TMEM214: variants seen among roughly 807,000 people sequenced by gnomAD.
TMEM214 encodes the protein transmembrane protein 214.
In TMEM214, 71 loss-of-function variants were observed where a neutral mutation model predicts 89.8. That is an observed-to-expected ratio of 0.79 (90% CI 0.65 to 0.96). TMEM214 has a LOEUF of 0.96. Among genes scored for constraint, TMEM214 ranks in the 40% least tolerant of loss-of-function variants. The probability of loss-of-function intolerance (pLI) is 0.00; values close to 1 mark genes in which losing one functional copy is unlikely to be tolerated. For synonymous variants in TMEM214, 332 were observed against 349.5 expected (o/e 0.95, Z 0.56); for missense variants, 754 against 843.4 (o/e 0.89, Z 1.31).
At chr2:27,036,674 G>A in intron 6 of TMEM214, 31 bp from the exon 7 acceptor site, 2 of 1,614,010 alleles carry the variant, frequency 1.2e-6, no homozygotes, top group Non-Finnish European at 1.7e-6. Context: ...GTGCAAGCCT[G>A]AGGCCTCCCT....
intron 2 of TMEM214, 99 bp downstream of exon 2, chr2:27,034,365 G>T: frequency 7.4e-7 from 1 of 1,344,892 alleles, no homozygotes; most frequent in Non-Finnish European, 1.0e-6. Context: ...GATCCTATGG[G>T]ATTTGAAACA....
At chr2:27,040,614 C>T in intron 16 of TMEM214, 97 bp from the exon 17 acceptor site, 1 of 1,585,298 alleles carries the variant, frequency 6.3e-7, no homozygotes, top group African/African-American at 1.3e-5. Context: ...CCATTCCTGG[C>T]CACCCTGGGA....
Position 27,034,135 on chromosome 2 carries a change from G to T in TMEM214, c.220G>T (p.Glu74Ter). 1 of 1,614,140 alleles carries T rather than the reference G, an allele frequency of 6.2e-7. No individual in the cohort carries two copies. The highest frequency in any genetic ancestry group is 1.1e-5 in the South Asian group (1 of 91,072). Residue 74 changes from glutamate to a stop codon, truncating the protein, a stop_gained, in exon 2 of 17, where the codon GAG (glutamate) becomes TAG (stop). Transcript: ENST00000238788. LOFTEE classifies it high-confidence loss of function. ...FENIMKRQNK[E>*]QVPPPAVEPK... is the part of the protein sequence containing the mutation. ...GAATATCATGAAGCGGCAGAATAAG[G>T]AGCAGGTCCCACCCCCTGCTGTGGA...
Position 27,040,182 on chromosome 2 carries a change from C to T in TMEM214, c.1775C>T (p.Thr592Ile), listed in dbSNP as rs1196162544. 2 of 1,605,942 alleles carry T rather than the reference C, an allele frequency of 1.2e-6. No individual in the cohort carries two copies. Among genetic ancestry groups the T allele is most frequent in the Non-Finnish European group, 1.7e-6 (2 of 1,179,994 alleles). Residue 592 changes from threonine to isoleucine, a missense_variant, in exon 15 of 17, where the codon ACC becomes ATC. Coordinates refer to ENST00000238788, the MANE Select transcript of TMEM214 (RefSeq NM_017727.5). Reference sequence around the variant, plus strand: ...CTTGCGTGGTTTGGTGACAGTCTCACCAGTCTCTCTCAGAGGGTAAGTCAG... The same window carrying T: ...CTTGCGTGGTTTGGTGACAGTCTCATCAGTCTCTCTCAGAGGGTAAGTCAG... ...SHLAWFGDSL[T>I]SLSQRLQIQL...
chr2:27,036,391 C>T, intron 5 of TMEM214, 96 bp from the exon 6 acceptor site: 1 of 1,067,264 alleles, frequency 9.4e-7, no homozygotes, highest in South Asian at 1.3e-5. Flanking sequence ...GCCTGTCCTC[C>T]CTCTTCCAGT....
rs1254028526 is a variant in TMEM214 at position 27,034,122 on chromosome 2, G to T, written c.207G>T (p.Lys69Asn). ...LYERGFENIM[K>N]RQNKEQVPPP... ...AGCGGGGCTTTGAGAATATCATGAA[G>T]CGGCAGAATAAGGAGCAGGTCCCAC... The change falls in exon 2 of 17, where the codon AAG becomes AAT. Residue 69 changes from lysine to asparagine, a missense_variant. By Grantham distance (94) the Lys-to-Asn change is moderately conservative (BLOSUM62 0). Coordinates refer to ENST00000238788, the MANE Select transcript of TMEM214 (RefSeq NM_017727.5). 4.3e-6 allele frequency: 7 copies of T among 1,614,120 alleles called. No homozygotes were observed. Among genetic ancestry groups the T allele is most frequent in the Middle Eastern group, 3.3e-4 (2 of 6,062 alleles).
At position 27,035,089 on chromosome 2, in the gene TMEM214, A is replaced by G. The variant is rs761082741; in HGVS notation, c.352-46A>G. On this transcript the variant is annotated intron_variant, in intron 2 of 16. Coordinates refer to ENST00000238788, the MANE Select transcript of TMEM214 (RefSeq NM_017727.5). ...CCCTACCCCATTTCTTTACTCCCTC[A>G]CTCACAACTCGCCATGGTGGGGGGT... 5 of 1,608,284 alleles carry G rather than the reference A, an allele frequency of 3.1e-6. No individual in the cohort carries two copies. In the Admixed American group the frequency reaches 6.7e-5, roughly 22 times the overall value.
chr2:27,038,124 C>G lies in TMEM214; in HGVS notation c.1153-22C>G. 1 of 1,614,016 alleles carries G rather than the reference C, an allele frequency of 6.2e-7. No individual in the cohort carries two copies. The highest frequency in any genetic ancestry group is 8.5e-7 in the Non-Finnish European group (1 of 1,179,968). ...GCCAGCCCCATGCCCCCAGCAGCCT[C>G]TCCCTCTGTCGTGCTGTGCAGCTCC... On this transcript the variant is annotated intron_variant, in intron 9 of 16. Coordinates refer to ENST00000238788, the MANE Select transcript of TMEM214 (RefSeq NM_017727.5). The surrounding 1 kb of genome is among the most constrained non-coding windows in gnomAD (Gnocchi z 4.4).
intron 1 of TMEM214, among the ~76,000 whole-genome samples, 160 bp from the exon 2 acceptor site, chr2:27,033,907 C>T: frequency 6.6e-6 from 1 of 152,098 alleles, no homozygotes; most frequent in Admixed American, 6.5e-5. Flanking sequence ...ACCAGGAGAA[C>T]AGCCTGCCCT....
chr2:27,037,367 C>G (rs761752496), intron 8 of TMEM214, among the ~76,000 whole-genome samples, 189 bp downstream of exon 8: 1 of 151,996 alleles, frequency 6.6e-6, no homozygotes, highest in Non-Finnish European at 1.5e-5. Context: ...GGCATATGGG[C>G]ATTTTCTTAG....
Position 27,035,760 on chromosome 2 carries a change from G to A in TMEM214, c.637+32G>A, listed in dbSNP as rs756602455. On this transcript the variant is annotated intron_variant, in intron 4 of 16. Coordinates refer to ENST00000238788, the MANE Select transcript of TMEM214 (RefSeq NM_017727.5). Reference sequence around the variant, plus strand: ...GGGGCACGGGAGGGATGACCATCTTGGGAGCCTCCTCCTTTTTTTCCTGCT... The same window carrying A: ...GGGGCACGGGAGGGATGACCATCTTAGGAGCCTCCTCCTTTTTTTCCTGCT... 10 of 1,613,414 alleles carry A rather than the reference G, an allele frequency of 6.2e-6. No homozygotes were observed. The African/African-American group carries it at 9.3e-5, about 15-fold the overall frequency.
At chr2:27,035,392 TG>T in intron 3 of TMEM214, 107 bp downstream of exon 3, 3 of 1,495,726 alleles carry the variant, frequency 2.0e-6, no homozygotes, top group Non-Finnish European at 2.7e-6. Context: ...ATGGGTGATT[TG>T]GGCTGGTCTC....
chr2:27,039,713 C>G (rs1667735570), intron 13 of TMEM214, 28 bp from the exon 14 acceptor site: 1 of 1,601,114 alleles, frequency 6.2e-7, no homozygotes, highest in African/African-American at 1.3e-5. Context: ...TCTCACCTCC[C>G]AGCTCACCAG....
At position 27,041,282 on chromosome 2, in the gene TMEM214, C is replaced by G. The variant is rs550478377; in HGVS notation, c.*445C>G. The G allele has an allele frequency of 6.2e-6, 1 of 161,362 alleles. No homozygotes were observed. Among genetic ancestry groups the G allele is most frequent in the Non-Finnish European group, 1.4e-5 (1 of 72,428 alleles). The allele number at this position is 161,362 out of a possible 1,614,324, so 10.0% of individuals were successfully genotyped here. A position where few individuals can be genotyped will look rare whatever the true frequency, so the allele number is the denominator to read the frequency against. Reference sequence around the variant, plus strand: ...CCTGTTCCCATTCTTGGTCACAGCTCTAGCCACAGCAGAAGGAAAGGGGCT... The same window carrying G: ...CCTGTTCCCATTCTTGGTCACAGCTGTAGCCACAGCAGAAGGAAAGGGGCT... On this transcript the variant is annotated 3_prime_UTR_variant, in exon 17 of 17. Transcript: ENST00000238788.
chr2:27,035,796 C>T (rs1667536180), intron 4 of TMEM214, 68 bp downstream of exon 4: 1 of 1,607,054 alleles, frequency 6.2e-7, no homozygotes, highest in Non-Finnish European at 8.5e-7. Context: ...TCCAGTACCA[C>T]TCAGTGGTTC....
chr2:27,039,576 TCTGCATG>T, intron 13 of TMEM214, 158 bp from the exon 14 acceptor site: 1 of 668,000 alleles, frequency 1.5e-6, no homozygotes, highest in Non-Finnish European at 2.7e-6. Context: ...GAAGGGCAGC[TCTGCATG>T]CCTCCCTCCA....
chr2:27,039,430 G>A (rs1030894550), intron 13 of TMEM214: 1 of 589,936 alleles, frequency 1.7e-6, no homozygotes, highest in East Asian at 2.8e-5. Context: ...TGAGGAAATG[G>A]TCTCAGAAAG....
chr2:27,039,552 C>T, intron 13 of TMEM214, 189 bp from the exon 14 acceptor site: 1 of 627,220 alleles, frequency 1.6e-6, no homozygotes, highest in Non-Finnish European at 2.9e-6. Flanking sequence ...TCCTGCACAC[C>T]TGGCCCAGCA....
In TMEM214 at chr2:27,038,498, A is replaced by G. The variant is rs1424645539; in HGVS notation, c.1259A>G (p.His420Arg). The G allele has an allele frequency of 1.2e-6, 2 of 1,613,952 alleles. No individual in the cohort carries two copies. Among genetic ancestry groups the G allele is most frequent in the Non-Finnish European group, 1.7e-6 (2 of 1,180,002 alleles). Residue 420 changes from histidine (H) to arginine (R), a missense_variant, in exon 11 of 17, where the codon CAC becomes CGC. His to Arg is a conservative substitution (Grantham distance 29, BLOSUM62 0). Transcript: ENST00000238788. This position sits in a 1 kb window ranked among gnomAD's most constrained non-coding sequence, Gnocchi z 4.4. ...TTTCCCCACAGCCTTCTGCTGGAGC[A>G]CTTGCTCAGCTCCTGGGAGCAGATT... The part of the protein sequence containing the change: ...HLSQSSLLLE[H>R]LLSSWEQIPK...
Sources: allele counts gnomAD v4.1 joint callset (sites outside exome capture counted in the v4.1 genomes callset), GRCh38; gene constraint gnomAD v4.1.1; non-coding constraint Gnocchi (gnomAD v3.1); transcripts MANE v1.5; gene names NCBI Gene and HGNC (gene_info 2026-07-23, HGNC 2026-07-21).